The following PHC3 variants were observed in gnomAD, a reference collection of about 807,000 sequenced individuals.
PHC3 encodes the protein polyhomeotic-like protein 3.
A neutral mutation model predicts 107.4 loss-of-function variants in PHC3; 13 were observed. That is an observed-to-expected ratio of 0.12 (90% CI 0.08 to 0.19). The LOEUF (loss-of-function observed/expected upper bound fraction) is 0.19, where lower values mean the gene tolerates loss of function less well. Among genes scored for constraint, PHC3 ranks in the 10% least tolerant of loss-of-function variants. The probability of loss-of-function intolerance (pLI) is 1.00; values close to 1 mark genes in which losing one functional copy is unlikely to be tolerated. For missense variants in PHC3, 992 were observed against 1,210.9 expected, an observed-to-expected ratio of 0.82 and a Z score of 2.68; for synonymous variants, 456 against 427.4, an observed-to-expected ratio of 1.07 and a Z score of -0.83.
At position 170,122,682 on chromosome 3, in the gene PHC3, C is replaced by T; in HGVS notation, c.1851G>A (p.Arg617=). Residue 617 remains arginine (R), a synonymous_variant, in exon 9 of 15, where the codon CGG becomes CGA. Coordinates refer to ENST00000495893, the MANE Select transcript of PHC3 (RefSeq NM_024947.4). ...EMPEESDECV[R]MDRTPPPPTL... ...TGGGTGGTGGTGGGGTTCTATCCAT[C>T]CGGACACATTCATCTGACTCTTCTG... is the stretch of plus-strand genomic sequence containing the variant. The T allele has an allele frequency of 6.2e-7, 1 of 1,613,950 alleles. No homozygotes were observed. Among genetic ancestry groups the T allele is most frequent in the Non-Finnish European group, 8.5e-7 (1 of 1,179,866 alleles).
chr3:170,115,729 C>T lies in PHC3; in HGVS notation c.2193+1497G>A, dbSNP rs148799913. On this transcript the variant is annotated intron_variant, in intron 10 of 14. Coordinates refer to ENST00000495893, the MANE Select transcript of PHC3 (RefSeq NM_024947.4). ...TCTCTCGACAACTCTAAGAGCAAAG[C>T]ACCGTCTCCACCTGACAAATAAGCA... 5.1e-3 allele frequency among the ~76,000 whole-genome samples: 783 copies of T among 152,278 alleles called. 1 individual carries two copies. Among genetic ancestry groups the T allele is most frequent in the Non-Finnish European group, 8.9e-3 (608 of 68,014 alleles).
Position 170,097,411 on chromosome 3 carries a change from T to TA in PHC3, c.2834-28dup. The stretch of plus-strand genomic sequence containing the variant: ...TGGAATTTGACCAGAGGACAGAAGT[T>TA]AGAATTAAATATACAACAATTAGAC... On this transcript the variant is annotated intron_variant, in intron 14 of 14. Transcript: ENST00000495893. This position sits in a 1 kb window ranked among gnomAD's most constrained non-coding sequence, Gnocchi z 4.1. The TA allele has an allele frequency of 6.2e-7, 1 of 1,601,812 alleles. No individual in the cohort carries two copies. Among genetic ancestry groups the TA allele is most frequent in the South Asian group, 1.1e-5 (1 of 89,790 alleles).
rs972212570 is a variant in PHC3, at chr3:170,093,770, C to T, written c.*3460G>A. 5 of 152,174 alleles carry T rather than the reference C, an allele frequency of 3.3e-5. No homozygotes were observed. Among genetic ancestry groups the T allele is most frequent in the Admixed American group, 6.6e-5 (1 of 15,264 alleles). The allele number at this position is 152,174 out of a possible 1,614,324, so 9.4% of individuals were successfully genotyped here. ...TCTCATTATAATTTTATACTTGATA[C>T]ATGAAGATAAGCTACGTCAAAAATT... On this transcript the variant is annotated 3_prime_UTR_variant, in exon 15 of 15. Coordinates refer to ENST00000495893, the MANE Select transcript of PHC3 (RefSeq NM_024947.4).
At chr3:170,103,578 T>C (rs1212835392) in intron 12 of PHC3, among the ~76,000 whole-genome samples, 3 of 152,254 alleles carry the variant, frequency 2.0e-5, no homozygotes, top group Admixed American at 6.5e-5. Context: ...TAGACCTTTA[T>C]AAGACATGAT....
rs1405222649 is a variant in PHC3, at chr3:170,088,287, A to C, written c.*8943T>G. ...GGGAGGAACCAAAAGGGGAATTAAAAAATTGGTTAACGTGTGCTTGAAGCA... is the reference window on the plus strand; with the variant it reads ...GGGAGGAACCAAAAGGGGAATTAAACAATTGGTTAACGTGTGCTTGAAGCA... On this transcript the variant is annotated 3_prime_UTR_variant, in exon 15 of 15. Coordinates refer to ENST00000495893, the MANE Select transcript of PHC3 (RefSeq NM_024947.4). The C allele has an allele frequency of 6.6e-6, 1 of 152,216 alleles. No individual in the cohort carries two copies. Among genetic ancestry groups the C allele is most frequent in the Non-Finnish European group, 1.5e-5 (1 of 68,026 alleles). 9.4% of individuals were successfully genotyped at this position (152,216 alleles called of 1,614,324 possible).
intron 9 of PHC3, among the ~76,000 whole-genome samples, chr3:170,120,120 C>CT (rs576016932): frequency 2.2e-4 from 33 of 151,554 alleles, no homozygotes; most frequent in African/African-American, 6.8e-4. Context: ...ATAAAACTGA[C>CT]TTTTTTTTTG....
intron 4 of PHC3, among the ~76,000 whole-genome samples, chr3:170,163,192 G>T (rs569679729): frequency 6.6e-6 from 1 of 152,078 alleles, no homozygotes; most frequent in South Asian, 2.1e-4. Flanking sequence ...ATGCATGAAT[G>T]AACAAAGTCA....
chr3:170,143,827 C>T (rs1004279747), intron 6 of PHC3, among the ~76,000 whole-genome samples: 1 of 152,072 alleles, frequency 6.6e-6, no homozygotes. Flanking sequence ...TCACTCATGC[C>T]CCTTCCCAAT....
At chr3:170,109,333 A>AT (rs1318496638) in intron 11 of PHC3, among the ~76,000 whole-genome samples, 3 of 152,092 alleles carry the variant, frequency 2.0e-5, no homozygotes, top group Non-Finnish European at 4.4e-5. Flanking sequence ...ATGCTCACAA[A>AT]TTCCAGATGG....
rs59263926 is a variant in PHC3 at position 170,161,565 on chromosome 3, G to A, written c.414+9808C>T. Reference sequence around the variant, plus strand: ...TCTAATGCTGCCACTGATCTGACAGGAGGCAGAGCTCAGGCGATAATGCTT... The same window carrying A: ...TCTAATGCTGCCACTGATCTGACAGAAGGCAGAGCTCAGGCGATAATGCTT... On this transcript the variant is annotated intron_variant, in intron 4 of 14. Coordinates refer to ENST00000495893, the MANE Select transcript of PHC3 (RefSeq NM_024947.4). Among the ~76,000 whole-genome samples the A allele has an allele frequency of 7.8e-3, 1,191 of 152,272 alleles. 15 individuals are homozygous for A. The highest frequency in any genetic ancestry group is 0.026 in the African/African-American group (1,095 of 41,546).
intron 4 of PHC3, among the ~76,000 whole-genome samples, chr3:170,160,056 T>G (rs1391526828): frequency 6.6e-6 from 1 of 152,234 alleles, no homozygotes; most frequent in African/African-American, 2.4e-5. Flanking sequence ...TACTTGTCTG[T>G]ATCCTCATTA....
In PHC3 at chr3:170,168,494, G is replaced by A. The variant is rs567937765; in HGVS notation, c.414+2879C>T. Among the ~76,000 whole-genome samples the A allele has an allele frequency of 5.3e-5, 8 of 151,230 alleles. No homozygotes were observed. In the East Asian group the frequency reaches 9.9e-4, roughly 19 times the overall value. On this transcript the variant is annotated intron_variant, in intron 4 of 14. Coordinates refer to ENST00000495893, the MANE Select transcript of PHC3 (RefSeq NM_024947.4). ...AAATCACCACTCCACGGCCGGGCAC[G>A]GTGGCTCACGCCTGTAATCCCAGCA...
chr3:170,117,731 C>T (rs1295836807), intron 9 of PHC3, among the ~76,000 whole-genome samples: 1 of 151,726 alleles, frequency 6.6e-6, no homozygotes, highest in Non-Finnish European at 1.5e-5. Flanking sequence ...GGCACAATGG[C>T]GCATGCCTGT....
intron 6 of PHC3, among the ~76,000 whole-genome samples, chr3:170,144,521 G>A (rs374663454): frequency 6.6e-6 from 1 of 152,132 alleles, no homozygotes; most frequent in South Asian, 2.1e-4. Context: ...TGAGTCACAC[G>A]TTACATGTAT....
chr3:170,127,731 C>A (rs1277921757), intron 8 of PHC3, among the ~76,000 whole-genome samples: 1 of 152,130 alleles, frequency 6.6e-6, no homozygotes, highest in Non-Finnish European at 1.5e-5. Context: ...TAATACAAAA[C>A]CTCCCTTTAG....
intron 4 of PHC3, among the ~76,000 whole-genome samples, chr3:170,153,485 C>T (rs924622622): frequency 1.3e-5 from 2 of 152,036 alleles, no homozygotes; most frequent in East Asian, 1.9e-4. Flanking sequence ...CTTCTGAGGC[C>T]GGGCGCGGTG....
At chr3:170,105,086 T>C (rs1040826421) in intron 12 of PHC3, among the ~76,000 whole-genome samples, 6 of 152,148 alleles carry the variant, frequency 3.9e-5, no homozygotes, top group Non-Finnish European at 7.4e-5. Context: ...AGGATACTAA[T>C]GTGACAGCTC....
In PHC3 at chr3:170,128,809, C is replaced by T; in HGVS notation, c.1663G>A (p.Val555Met). ...GCAGCTGGAAGTTCCTCTTCTGACACCAAAGCATTCTGCACCAAAACCTGG... is the reference window on the plus strand; with the variant it reads ...GCAGCTGGAAGTTCCTCTTCTGACATCAAAGCATTCTGCACCAAAACCTGG... ...QGQVLVQNAL[V>M]SEEELPAAEA... Residue 555 changes from valine to methionine, a missense_variant, in exon 8 of 15, where the codon GTG becomes ATG. This residue lies in a region of PHC3 where 543 missense variants were observed against 590.8 expected (regional missense o/e 0.92). Transcript: ENST00000495893. 6.2e-7 allele frequency: 1 copy of T among 1,613,940 alleles called. No homozygotes were observed. Among genetic ancestry groups the T allele is most frequent in the Non-Finnish European group, 8.5e-7 (1 of 1,179,882 alleles).
intron 4 of PHC3, among the ~76,000 whole-genome samples, chr3:170,156,391 C>T (rs1365335654): frequency 6.9e-6 from 1 of 145,650 alleles, no homozygotes; most frequent in East Asian, 2.1e-4. Context: ...TGAGTATCTG[C>T]GACCACAAGC....
Sources: gnomAD v4.1 joint callset for allele counts (sites outside exome capture counted in the v4.1 genomes callset) on GRCh38, gnomAD v4.1.1 for gene constraint, gnomAD v4.1.1 regional missense constraint, Gnocchi (gnomAD v3.1) non-coding constraint, MANE v1.5 for transcripts, NCBI Gene and HGNC (gene_info 2026-07-23, HGNC 2026-07-21) for gene names.